Variants in LRRC7 observed in about 807,000 individuals in gnomAD.
LRRC7 encodes leucine rich repeat containing 7, also known as leucine-rich repeat-containing protein 7.
A neutral mutation model predicts 175.7 loss-of-function variants in LRRC7; 23 were observed. The ratio of observed to expected loss-of-function variants is 0.13; its 90% CI spans 0.09 to 0.19. LRRC7 has a LOEUF of 0.19. Ranked by LOEUF, LRRC7 falls within the 10% of genes least tolerant of loss-of-function variation. The pLI is 1.00. For missense variants in LRRC7, 1,354 were observed against 1,904.7 expected (o/e 0.71, Z 5.38); for synonymous variants, 685 against 680.9 (o/e 1.01, Z -0.09).
intron 1 of LRRC7, among the ~76,000 whole-genome samples, chr1:69,615,420 T>C (rs1649455402): frequency 6.6e-6 from 1 of 151,950 alleles, no homozygotes; most frequent in African/African-American, 2.4e-5. Context: ...TCTTCTCCCT[T>C]CTCATGTTGA....
At position 70,126,364 on chromosome 1, in the gene LRRC7, C is replaced by T. The variant is rs116124472; in HGVS notation, c.*4477C>T. ...GTCCTTTATCTAGTATAAAGAAAAG[C>T]GGGGTTGAAGTTCCACTGTAGTTCC... On this transcript the variant is annotated 3_prime_UTR_variant, in exon 27 of 27. Coordinates refer to ENST00000651989, the MANE Select transcript of LRRC7 (RefSeq NM_001370785.2). Among the ~76,000 whole-genome samples, 1,186 of 151,770 alleles carry T rather than the reference C, an allele frequency of 7.8e-3. 13 individuals carry two copies. The highest frequency in any genetic ancestry group is 0.027 in the African/African-American group (1,111 of 41,350).
intron 25 of LRRC7, among the ~76,000 whole-genome samples, chr1:70,093,954 G>A (rs537847557): frequency 2.6e-5 from 4 of 152,118 alleles, no homozygotes; most frequent in African/African-American, 9.7e-5. Context: ...GGCAACCCAG[G>A]ACTCTGCAAA....
chr1:70,117,096 A>G (rs1164230537), intron 26 of LRRC7, among the ~76,000 whole-genome samples: 1 of 152,228 alleles, frequency 6.6e-6, no homozygotes, highest in African/African-American at 2.4e-5. Context: ...AAAAAGGATT[A>G]TCCTTTGGGT....
chr1:70,008,716 A>T (rs928174822), intron 11 of LRRC7, among the ~76,000 whole-genome samples: 21 of 152,334 alleles, frequency 1.4e-4, no homozygotes, highest in Non-Finnish European at 1.3e-4. Flanking sequence ...CAAGAGCATT[A>T]TCCAATAGTT....
At chr1:69,639,886 C>T (rs1264896969) in intron 1 of LRRC7, among the ~76,000 whole-genome samples, 1 of 151,696 alleles carries the variant, frequency 6.6e-6, no homozygotes, top group Non-Finnish European at 1.5e-5. Flanking sequence ...TAATCCACAA[C>T]TTTAAAACAG....
At chr1:69,758,347 T>C (rs1361705258) in intron 2 of LRRC7, among the ~76,000 whole-genome samples, 1 of 152,074 alleles carries the variant, frequency 6.6e-6, no homozygotes, top group Non-Finnish European at 1.5e-5. Context: ...CAGATTACCA[T>C]GTGCAAACAA....
At chr1:70,077,302 T>A (rs984129115) in intron 24 of LRRC7, among the ~76,000 whole-genome samples, 2 of 152,170 alleles carry the variant, frequency 1.3e-5, no homozygotes, top group Admixed American at 6.5e-5. Flanking sequence ...CATAGGTGCA[T>A]TGTAAAGATA....
At chr1:69,782,253 C>T (rs181613359) in intron 3 of LRRC7, among the ~76,000 whole-genome samples, 19 of 152,328 alleles carry the variant, frequency 1.2e-4, no homozygotes, top group Admixed American at 5.9e-4. Context: ...TAACCACTTA[C>T]TGAGAAGGTA....
intron 14 of LRRC7, among the ~76,000 whole-genome samples, chr1:70,017,899 A>C (rs1400590512): frequency 6.6e-6 from 1 of 152,076 alleles, no homozygotes; most frequent in Non-Finnish European, 1.5e-5. Context: ...TATGGGAAAA[A>C]AATATGATTT....
At chr1:70,045,350 G>T (rs916335408) in intron 22 of LRRC7, among the ~76,000 whole-genome samples, 21 of 151,970 alleles carry the variant, frequency 1.4e-4, no homozygotes, top group Admixed American at 1.1e-3. Context: ...TAATTTCAAG[G>T]TACCAACTTA....
chr1:69,816,936 T>C (rs529761617), intron 4 of LRRC7, among the ~76,000 whole-genome samples: 1 of 152,254 alleles, frequency 6.6e-6, no homozygotes, highest in South Asian at 2.1e-4. Flanking sequence ...TTAGCATGTC[T>C]TCCAGGCCCA....
At chr1:69,741,710 C>T (rs1397413606) in intron 2 of LRRC7, among the ~76,000 whole-genome samples, 1 of 152,004 alleles carries the variant, frequency 6.6e-6, no homozygotes, top group Non-Finnish European at 1.5e-5. Flanking sequence ...ACTAGCCAGT[C>T]ACCGAGTCTT....
chr1:70,025,195 A>C (rs1407665514), intron 17 of LRRC7, among the ~76,000 whole-genome samples: 1 of 151,512 alleles, frequency 6.6e-6, no homozygotes, highest in South Asian at 2.1e-4. Context: ...TGGGTTGTGA[A>C]ACTTAAGTGA....
At chr1:69,899,611 G>A (rs1557865670) in intron 7 of LRRC7, among the ~76,000 whole-genome samples, 2 of 152,286 alleles carry the variant, frequency 1.3e-5, no homozygotes, top group South Asian at 4.1e-4. Context: ...TAGATGATAC[G>A]TAAACAAATG....
Position 70,021,122 on chromosome 1 carries a change from A to G in LRRC7, c.1538A>G (p.Lys513Arg). ...AAAGAAGATGACGAAAATGCTGGGA[A>G]AGTTAAGGTGAACCTTTTAGCTTTT... ...DKKEDDENAG[K>R]VKDLSCQAPW... The change falls in exon 16 of 27, where the codon AAA (lysine) becomes AGA (arginine). Residue 513 changes from lysine (K) to arginine (R), a missense_variant. By Grantham distance (26) the Lys-to-Arg change is conservative. Transcript: ENST00000651989. 1 of 1,611,016 alleles carries G rather than the reference A, an allele frequency of 6.2e-7. No individual in the cohort carries two copies. Among genetic ancestry groups the G allele is most frequent in the Non-Finnish European group, 8.5e-7 (1 of 1,178,114 alleles).
rs766001826 is a variant in LRRC7 at position 70,011,860 on chromosome 1, T to C, written c.1068T>C (p.Ile356=). ...CNELESLPST[I]GYLHSLRTLA... is the part of the protein sequence containing the mutation. ...AACTGGAGTCACTACCTTCTACTAT[T>C]GGCTACCTTCATAGTCTTCGGACAT... Residue 356 remains isoleucine, a synonymous_variant, in exon 12 of 27, where the codon ATT becomes ATC. Coordinates refer to ENST00000651989, the MANE Select transcript of LRRC7 (RefSeq NM_001370785.2). The C allele has an allele frequency of 6.3e-7, 1 of 1,591,800 alleles. No individual in the cohort carries two copies. Among genetic ancestry groups the C allele is most frequent in the South Asian group, 1.1e-5 (1 of 90,582 alleles).
At chr1:69,880,976 A>G (rs1223950510) in intron 7 of LRRC7, among the ~76,000 whole-genome samples, 1 of 152,208 alleles carries the variant, frequency 6.6e-6, no homozygotes, top group Admixed American at 6.5e-5. Flanking sequence ...GCTTCCCTTT[A>G]TTAGTTTGAC....
intron 3 of LRRC7, among the ~76,000 whole-genome samples, chr1:69,772,413 G>A (rs1435673386): frequency 1.3e-5 from 2 of 152,158 alleles, no homozygotes; most frequent in Non-Finnish European, 2.9e-5. Flanking sequence ...AGAGGCAGGT[G>A]GGAGAGGTTG....
intron 7 of LRRC7, among the ~76,000 whole-genome samples, chr1:69,842,648 T>G (rs1465787972): frequency 6.6e-6 from 1 of 152,038 alleles, no homozygotes; most frequent in Non-Finnish European, 1.5e-5. Context: ...GTGGATGGAT[T>G]TGGTAGATGA....
Sources: allele counts gnomAD v4.1 joint callset (sites outside exome capture counted in the v4.1 genomes callset), GRCh38; gene constraint gnomAD v4.1.1; transcripts MANE v1.5; gene names NCBI Gene and HGNC (gene_info 2026-07-23, HGNC 2026-07-21).